Variants in PHLDB2 observed in about 807,000 individuals in gnomAD.
PHLDB2 encodes pleckstrin homology-like domain family B member 2.
PHLDB2 carries 71 observed loss-of-function variants against 123.6 expected under a neutral mutation model. That is an observed-to-expected ratio of 0.57 (90% CI 0.47 to 0.70). The LOEUF (loss-of-function observed/expected upper bound fraction) is 0.70, where lower values mean the gene tolerates loss of function less well. Among genes scored for constraint, PHLDB2 ranks in the 30% least tolerant of loss-of-function variants. The pLI, the probability that PHLDB2 is intolerant of heterozygous loss-of-function variation, is 0.00. For synonymous variants in PHLDB2, 547 were observed against 541.6 expected (o/e 1.01, Z -0.14); for missense variants, 1,446 against 1,519.5 (o/e 0.95, Z 0.80).
intron 10 of PHLDB2, among the ~76,000 whole-genome samples, chr3:111,951,993 A>C (rs1055440574): frequency 3.9e-5 from 6 of 152,234 alleles, no homozygotes; most frequent in Non-Finnish European, 2.9e-5. Flanking sequence ...AGGATTTTTA[A>C]ATATGAGAGA....
rs749966444 is a variant in PHLDB2 at position 111,885,234 on chromosome 3, G to T, written c.1157G>T (p.Gly386Val). The T allele has an allele frequency of 1.2e-6, 2 of 1,614,164 alleles. No homozygotes were observed. The highest frequency in any genetic ancestry group is 1.7e-6 in the Non-Finnish European group (2 of 1,180,032). ...GCGACCAGGAGGAACTTCTCTTGTGGATCTGTGGAATTTGATGAGGCAGAT... is the reference window on the plus strand; with the variant it reads ...GCGACCAGGAGGAACTTCTCTTGTGTATCTGTGGAATTTGATGAGGCAGAT... ...VFATRRNFSC[G>V]SVEFDEADLE... The change falls in exon 2 of 18, where the codon GGA becomes GTA. Residue 386 changes from glycine (G) to valine (V), a missense_variant. Around this residue, in one of 3 missense-constraint regions of PHLDB2, gnomAD observed 832 missense variants for 831.9 expected, o/e 1.00. Transcript: ENST00000431670.
At chr3:111,823,960 A>G (rs2062528039) in intron 1 of PHLDB2, among the ~76,000 whole-genome samples, 2 of 152,126 alleles carry the variant, frequency 1.3e-5, no homozygotes, top group South Asian at 4.2e-4. Flanking sequence ...ATCTGGGATT[A>G]CTCATAAAAA....
intron 1 of PHLDB2, among the ~76,000 whole-genome samples, chr3:111,733,027 G>A (rs1251768067): frequency 6.6e-6 from 1 of 152,112 alleles, no homozygotes; most frequent in African/African-American, 2.4e-5. Flanking sequence ...CACAAGCATG[G>A]TTTTGTTCCA....
chr3:111,815,985 C>G (rs553966285), intron 1 of PHLDB2, among the ~76,000 whole-genome samples: 1 of 152,300 alleles, frequency 6.6e-6, no homozygotes, highest in East Asian at 1.9e-4. Context: ...GAGCTTGGGC[C>G]ATGGCTTCAG....
chr3:111,778,954 G>A (rs1431926723), intron 1 of PHLDB2, among the ~76,000 whole-genome samples: 2 of 152,022 alleles, frequency 1.3e-5, no homozygotes, highest in Non-Finnish European at 2.9e-5. Flanking sequence ...CATCTATGTG[G>A]TTCATTAGGC....
At chr3:111,869,272 T>G (rs777880920) in intron 1 of PHLDB2, among the ~76,000 whole-genome samples, 1 of 152,130 alleles carries the variant, frequency 6.6e-6, no homozygotes, top group East Asian at 1.9e-4. Flanking sequence ...AGCTGGAACT[T>G]CTTTCATATT....
At chr3:111,920,461 G>A (rs1430835965) in intron 5 of PHLDB2, 42 bp downstream of exon 5, 2 of 1,597,954 alleles carry the variant, frequency 1.3e-6, no homozygotes, top group Admixed American at 1.7e-5. Context: ...TATGGGCAAA[G>A]TGGTGGTCCC....
At chr3:111,770,956 T>TTGAGTAGGG (rs5851785) in intron 1 of PHLDB2, among the ~76,000 whole-genome samples, 131,270 of 151,760 alleles carry the variant, frequency 0.86, 57,676 homozygotes, top group East Asian at 1. Flanking sequence ...ATGAGGCAGC[T>TTGAGTAGGG]TGAGGAGAGA....
chr3:111,738,238 A>G (rs867715667), intron 1 of PHLDB2, among the ~76,000 whole-genome samples: 43 of 152,304 alleles, frequency 2.8e-4, no homozygotes, highest in African/African-American at 9.9e-4. Context: ...TCCATTTTCC[A>G]TAAGAATAGT....
Position 111,952,585 on chromosome 3 carries a change from T to C in PHLDB2, c.2645T>C (p.Leu882Pro). 2 of 1,612,966 alleles carry C rather than the reference T, an allele frequency of 1.2e-6. No individual in the cohort carries two copies. Among genetic ancestry groups the C allele is most frequent in the South Asian group, 1.1e-5 (1 of 90,836 alleles). The change falls in exon 11 of 18, where the codon CTG (leucine) becomes CCG (proline). Residue 882 changes from leucine (L) to proline (P), a missense_variant. Leu to Pro is a moderately conservative substitution (Grantham distance 98). This residue lies in a region of PHLDB2 where 594 missense variants were observed against 646.0 expected (regional missense o/e 0.92). Coordinates refer to ENST00000431670, the MANE Select transcript of PHLDB2 (RefSeq NM_001134438.2). Reference sequence around the variant, plus strand: ...TTGCATTTAAAGCACTTTAGAAGTCTGGAAGAAAGGAAAAAACAGCATAAA... The same window carrying C: ...TTGCATTTAAAGCACTTTAGAAGTCCGGAAGAAAGGAAAAAACAGCATAAA... ...QPQSKEHFRS[L>P]EERKKQHKEG...
At chr3:111,747,877 T>C (rs748254284) in intron 1 of PHLDB2, among the ~76,000 whole-genome samples, 3 of 152,218 alleles carry the variant, frequency 2.0e-5, no homozygotes, top group Non-Finnish European at 2.9e-5. Context: ...TAAACAAATA[T>C]CACTAATGAC....
chr3:111,830,961 GAAAGAA>G lies in PHLDB2; in HGVS notation c.-48-14858_-48-14853del, dbSNP rs1559854977. Among the ~76,000 whole-genome samples the G allele has an allele frequency of 3.6e-3, 93 of 25,764 alleles. 7 individuals are homozygous for G. The highest frequency in any genetic ancestry group is 0.021 in the South Asian group (19 of 888). The allele number at this position is 25,764 out of a possible 152,430, so 16.9% of individuals were successfully genotyped here. A position where few individuals can be genotyped will look rare whatever the true frequency, so the allele number is the denominator to read the frequency against. ...AAAGAAGGAAAGAAAGAAAGAGAAA[GAAAGAA>G]AGAAAGAAAGAAAGAAAGAAAGAAA... is the stretch of plus-strand genomic sequence containing the variant. On this transcript the variant is annotated intron_variant, in intron 1 of 17. Transcript: ENST00000393923.
chr3:111,810,681 C>T (rs1015114066), intron 1 of PHLDB2, among the ~76,000 whole-genome samples: 12 of 152,146 alleles, frequency 7.9e-5, no homozygotes, highest in Admixed American at 5.9e-4. Flanking sequence ...TTTCCAAGGA[C>T]GCTATTCCGT....
intron 1 of PHLDB2, among the ~76,000 whole-genome samples, chr3:111,794,746 G>A (rs2061080473): frequency 6.6e-6 from 1 of 152,208 alleles, no homozygotes; most frequent in South Asian, 2.1e-4. Flanking sequence ...CCTGAGCTGT[G>A]GAACTTCAGT....
chr3:111,775,314 A>G (rs955113294), intron 1 of PHLDB2, among the ~76,000 whole-genome samples: 7 of 152,190 alleles, frequency 4.6e-5, no homozygotes, highest in African/African-American at 1.7e-4. Flanking sequence ...GGTCTAATCT[A>G]TTCAGTTGAG....
intron 8 of PHLDB2, among the ~76,000 whole-genome samples, chr3:111,940,985 G>A (rs911826185): frequency 6.6e-6 from 1 of 152,106 alleles, no homozygotes; most frequent in Non-Finnish European, 1.5e-5. Context: ...ACCAATTTAG[G>A]GTGGACTTAA....
At chr3:111,953,321 G>T (rs1005137145) in intron 11 of PHLDB2, among the ~76,000 whole-genome samples, 9 of 152,176 alleles carry the variant, frequency 5.9e-5, no homozygotes, top group Non-Finnish European at 1.3e-4. Context: ...TGTGGCAAGA[G>T]AAGAGGCAGG....
intron 1 of PHLDB2, among the ~76,000 whole-genome samples, chr3:111,752,364 G>T (rs1007143645): frequency 1.3e-5 from 2 of 152,026 alleles, no homozygotes; most frequent in African/African-American, 4.8e-5. Context: ...AATGGAATTT[G>T]TGAAGTCCCT....
At chr3:111,936,080 A>G (rs2069475304) in intron 6 of PHLDB2, among the ~76,000 whole-genome samples, 2 of 152,182 alleles carry the variant, frequency 1.3e-5, no homozygotes, top group South Asian at 2.1e-4. Context: ...TATTACTGCA[A>G]TTTCTCCTGG....
Sources: allele counts gnomAD v4.1 joint callset (sites outside exome capture counted in the v4.1 genomes callset), GRCh38; gene constraint gnomAD v4.1.1; regional missense constraint gnomAD v4.1.1; transcripts MANE v1.5; gene names NCBI Gene and HGNC (gene_info 2026-07-23, HGNC 2026-07-21).